ANKRD55: variants seen among roughly 807,000 people sequenced by gnomAD.
ANKRD55 encodes the protein ankyrin repeat domain 55.
In ANKRD55, 41 loss-of-function variants were observed where a neutral mutation model predicts 60.6. That is an observed-to-expected ratio of 0.68 (90% confidence interval 0.53 to 0.88). ANKRD55 has a LOEUF of 0.88. Ranked by LOEUF, ANKRD55 falls within the 40% of genes least tolerant of loss-of-function variation. ANKRD55 has a pLI of 0.00. For synonymous variants in ANKRD55, 264 were observed against 290.3 expected, an observed-to-expected ratio of 0.91 and a Z score of 0.92; for missense variants, 732 against 767.6, an observed-to-expected ratio of 0.95 and a Z score of 0.55.
chr5:56,172,477 G>C (rs1758631745), intron 4 of ANKRD55, among the ~76,000 whole-genome samples: 1 of 152,062 alleles, frequency 6.6e-6, no homozygotes, highest in Non-Finnish European at 1.5e-5. Context: ...AAGATTTACA[G>C]TTTTCGAAAA....
intron 11 of ANKRD55, among the ~76,000 whole-genome samples, chr5:56,102,136 T>TA (rs1345159311): frequency 6.6e-6 from 1 of 151,958 alleles, no homozygotes; most frequent in Non-Finnish European, 1.5e-5. Flanking sequence ...CCTGTAATCC[T>TA]AGCACTTTGG....
intron 2 of ANKRD55, among the ~76,000 whole-genome samples, chr5:56,225,341 A>G (rs1347093691): frequency 1.3e-5 from 2 of 152,266 alleles, no homozygotes; most frequent in Admixed American, 6.5e-5. Flanking sequence ...TCTCAAAAAA[A>G]TAAGAGCTAT....
At chr5:56,209,472 T>C (rs1384762470) in intron 2 of ANKRD55, among the ~76,000 whole-genome samples, 1 of 150,882 alleles carries the variant, frequency 6.6e-6, no homozygotes, top group East Asian at 1.9e-4. Flanking sequence ...ATATCTTTTT[T>C]TTTTTTTTTT....
At chr5:56,209,491 G>T (rs563980819) in intron 2 of ANKRD55, among the ~76,000 whole-genome samples, 1 of 148,380 alleles carries the variant, frequency 6.7e-6, no homozygotes, top group Non-Finnish European at 1.5e-5. Context: ...TTTTGAGACG[G>T]AGTCTCACTC....
At chr5:56,108,080 C>T (rs998399847) in intron 10 of ANKRD55, among the ~76,000 whole-genome samples, 11 of 151,896 alleles carry the variant, frequency 7.2e-5, no homozygotes, top group African/African-American at 2.7e-4. Context: ...ACCACGTTGC[C>T]CAGGCTGGTC....
chr5:56,135,316 T>TTTCGTTCG (rs1561264065), intron 7 of ANKRD55, among the ~76,000 whole-genome samples: 7 of 13,318 alleles, frequency 5.3e-4, no homozygotes, highest in African/African-American at 3.3e-3. Context: ...TCTTTCTTTC[T>TTTCGTTCG]TTCTTTCTTT....
At chr5:56,182,967 G>A (rs1238831245) in intron 3 of ANKRD55, among the ~76,000 whole-genome samples, 1 of 152,120 alleles carries the variant, frequency 6.6e-6, no homozygotes, top group Non-Finnish European at 1.5e-5. Context: ...TTTGGTCTGT[G>A]CCTGTTGACA....
intron 6 of ANKRD55, 60 bp from the exon 7 acceptor site, chr5:56,143,989 A>G: frequency 6.2e-7 from 1 of 1,607,776 alleles, no homozygotes; most frequent in Non-Finnish European, 8.5e-7. Flanking sequence ...AGAAAACTGG[A>G]GCTCACACTT....
intron 8 of ANKRD55, among the ~76,000 whole-genome samples, chr5:56,121,139 G>A (rs950156568): frequency 5.3e-5 from 8 of 151,758 alleles, no homozygotes; most frequent in Admixed American, 2.6e-4. Context: ...GAAGACGAGG[G>A]GCCATCCTCC....
chr5:56,205,039 A>G (rs1202383564), intron 2 of ANKRD55, among the ~76,000 whole-genome samples: 3 of 150,024 alleles, frequency 2.0e-5, no homozygotes, highest in Non-Finnish European at 4.4e-5. Flanking sequence ...GCTGGAAGAG[A>G]GTTTAGACTT....
At chr5:56,210,365 G>A (rs1759633705) in intron 2 of ANKRD55, among the ~76,000 whole-genome samples, 1 of 151,926 alleles carries the variant, frequency 6.6e-6, no homozygotes, top group African/African-American at 2.4e-5. Flanking sequence ...ACGAGGTCAG[G>A]AGACTGAGAC....
chr5:56,127,011 A>G lies in ANKRD55; in HGVS notation c.708T>C (p.His236=). The G allele has an allele frequency of 6.2e-7, 1 of 1,614,030 alleles. No individual in the cohort carries two copies. The highest frequency in any genetic ancestry group is 8.5e-7 in the Non-Finnish European group (1 of 1,179,950). Residue 236 remains histidine, a synonymous_variant, in exon 8 of 12, where the codon CAT becomes CAC. Coordinates refer to ENST00000341048, the MANE Select transcript of ANKRD55 (RefSeq NM_024669.3). ...YDDESGKTCV[H]IAAAAGFSDI... is the part of the protein sequence containing the mutation. Reference sequence around the variant, plus strand: ...CGCTGAAGCCCGCTGCCGCTGCGATATGTACACATGTCTTCCCACTCTCAT... The same window carrying G: ...CGCTGAAGCCCGCTGCCGCTGCGATGTGTACACATGTCTTCCCACTCTCAT...
chr5:56,182,094 G>A (rs949261848), intron 3 of ANKRD55, among the ~76,000 whole-genome samples: 8 of 152,084 alleles, frequency 5.3e-5, no homozygotes, highest in Admixed American at 2.6e-4. Context: ...ATGTGGAATC[G>A]ATGCTGGTTA....
chr5:56,173,608 CTT>C (rs1227316732), intron 4 of ANKRD55, among the ~76,000 whole-genome samples: 1 of 72,550 alleles, frequency 1.4e-5, no homozygotes, highest in African/African-American at 5.0e-5. Flanking sequence ...ATATATATAT[CTT>C]GGCTCACCAC....
intron 2 of ANKRD55, among the ~76,000 whole-genome samples, chr5:56,223,379 G>C (rs1191110790): frequency 1.3e-5 from 2 of 152,204 alleles, no homozygotes; most frequent in Admixed American, 1.3e-4. Context: ...GGAACAACTG[G>C]TATCAGCCAC....
intron 7 of ANKRD55, among the ~76,000 whole-genome samples, chr5:56,135,070 C>G (rs1580968566): frequency 6.6e-6 from 1 of 152,236 alleles, no homozygotes. Flanking sequence ...TAAAAACTCT[C>G]AGTAAACTAG....
At chr5:56,208,570 G>A (rs974410366) in intron 2 of ANKRD55, among the ~76,000 whole-genome samples, 4 of 151,568 alleles carry the variant, frequency 2.6e-5, no homozygotes, top group East Asian at 3.9e-4. Flanking sequence ...GACTACAGGC[G>A]CCCGCCACCA....
In ANKRD55 at chr5:56,116,485, T is replaced by A. The variant is rs1046690080; in HGVS notation, c.965+130A>T. The A allele has an allele frequency of 2.5e-5, 19 of 750,684 alleles. No individual in the cohort carries two copies. In the Admixed American group the frequency reaches 3.5e-4, roughly 14 times the overall value. 46.5% of individuals were successfully genotyped at this position (750,684 alleles called of 1,614,324 possible). On this transcript the variant is annotated intron_variant, in intron 9 of 11. Transcript: ENST00000341048. ...ATCATTTAATGTCTTTAATACTATG[T>A]AACATTAATTATATTATAAAAGTAT...
intron 2 of ANKRD55, among the ~76,000 whole-genome samples, chr5:56,198,848 G>A (rs1222355914): frequency 1.3e-5 from 2 of 152,072 alleles, no homozygotes; most frequent in African/African-American, 2.4e-5. Flanking sequence ...GGGAGGCCGA[G>A]GCAGGCGGAT....
Sources: allele counts gnomAD v4.1 joint callset (sites outside exome capture counted in the v4.1 genomes callset), GRCh38; gene constraint gnomAD v4.1.1; transcripts MANE v1.5; gene names NCBI Gene and HGNC (gene_info 2026-07-23, HGNC 2026-07-21).